Variants in SYTL3 observed in about 807,000 individuals in gnomAD.
SYTL3 encodes the protein synaptotagmin like 3, also known as synaptotagmin-like protein 3.
A neutral mutation model predicts 82.1 loss-of-function variants in SYTL3; 88 were observed. The ratio of observed to expected loss-of-function variants is 1.07; its 90% CI spans 0.90 to 1.28. SYTL3 has a LOEUF of 1.28. Among genes scored for constraint, SYTL3 ranks in the 50% most tolerant of loss-of-function variants. The pLI is 0.00. For missense variants in SYTL3, 831 were observed against 757.6 expected (o/e 1.10, Z -1.14); for synonymous variants, 311 against 289.4 (o/e 1.07, Z -0.76).
At chr6:158,698,954 C>A (rs749235845) in intron 6 of SYTL3, among the ~76,000 whole-genome samples, 1 of 152,296 alleles carries the variant, frequency 6.6e-6, no homozygotes, top group Non-Finnish European at 1.5e-5. Context: ...TCCCACTCCA[C>A]AGGCACCAGC....
intron 11 of SYTL3, among the ~76,000 whole-genome samples, chr6:158,733,907 C>T (rs1337693812): frequency 2.0e-5 from 3 of 151,156 alleles, no homozygotes; most frequent in Non-Finnish European, 2.9e-5. Context: ...ACCATCCTGG[C>T]TAACACGGTG....
At chr6:158,677,116 T>A (rs1321948412) in intron 5 of SYTL3, among the ~76,000 whole-genome samples, 1 of 152,184 alleles carries the variant, frequency 6.6e-6, no homozygotes, top group Non-Finnish European at 1.5e-5. Flanking sequence ...CATATGTTTA[T>A]CATGGCCCTA....
rs747148159 is a variant in SYTL3 at position 158,725,569 on chromosome 6, A to G, written c.787A>G (p.Ile263Val). The change falls in exon 11 of 18, where the codon ATT becomes GTT. Residue 263 changes from isoleucine (I) to valine (V), a missense_variant. By Grantham distance (29) the Ile-to-Val change is conservative. Transcript: ENST00000611299. The stretch of plus-strand genomic sequence containing the variant: ...GGATCCCAAATGCTCTACTAACCCT[A>G]TTTTGAAGCAACAGAATCTCCCATC... Reference protein sequence around the residue: ...QEDPKCSTNPILKQQNLPSSP... With the variant: ...QEDPKCSTNPVLKQQNLPSSP... 2.2e-5 allele frequency: 36 copies of G among 1,614,076 alleles called. No homozygotes were observed. In the South Asian group the frequency reaches 3.0e-4, roughly 13 times the overall value.
intron 13 of SYTL3, among the ~76,000 whole-genome samples, chr6:158,754,071 C>G (rs1243856550): frequency 6.6e-6 from 1 of 152,134 alleles, no homozygotes; most frequent in African/African-American, 2.4e-5. Flanking sequence ...GTGCAGCACC[C>G]AGGCTTTGTG....
chr6:158,699,638 T>A (rs921931658), intron 6 of SYTL3, among the ~76,000 whole-genome samples: 4 of 152,186 alleles, frequency 2.6e-5, no homozygotes, highest in South Asian at 2.1e-4. Flanking sequence ...TTATTCTTTT[T>A]TTATTATTAT....
intron 6 of SYTL3, among the ~76,000 whole-genome samples, chr6:158,703,526 T>A (rs1781571291): frequency 6.6e-6 from 1 of 152,110 alleles, no homozygotes; most frequent in South Asian, 2.1e-4. Context: ...AAGAAACAAC[T>A]GAGGAATCAA....
At chr6:158,747,520 A>G (rs1316989727) in intron 12 of SYTL3, among the ~76,000 whole-genome samples, 5 of 151,874 alleles carry the variant, frequency 3.3e-5, no homozygotes, top group Non-Finnish European at 5.9e-5. Flanking sequence ...GTGGAGTGCA[A>G]TGGCACGATC....
At chr6:158,757,529 A>AG in intron 14 of SYTL3, 148 bp downstream of exon 14, 1 of 854,592 alleles carries the variant, frequency 1.2e-6, no homozygotes. Context: ...ACTTTGAAAT[A>AG]GTTACTTTCT....
In SYTL3 at chr6:158,707,704, G is replaced by A. The variant is rs73593026; in HGVS notation, c.446+423G>A. 9.5e-3 allele frequency among the ~76,000 whole-genome samples: 1,440 copies of A among 152,290 alleles called. 21 individuals carry two copies. Among genetic ancestry groups the A allele is most frequent in the African/African-American group, 0.032 (1,337 of 41,556 alleles). ...GATAGAATTGAATAATGGCCTGAGA[G>A]ATGTGAACTTCTTTGCACAAAATTC... On this transcript the variant is annotated intron_variant, in intron 7 of 17. Coordinates refer to ENST00000611299, the MANE Select transcript of SYTL3 (RefSeq NM_001242394.2).
At chr6:158,675,923 C>T (rs1467667789) in intron 5 of SYTL3, among the ~76,000 whole-genome samples, 1 of 152,186 alleles carries the variant, frequency 6.6e-6, no homozygotes. Context: ...GCACCCCAGC[C>T]TGGGCGACAG....
At chr6:158,693,855 C>CTTTTCTTTTCTTTTCTTTTTTTTTTTT (rs71030191) in intron 6 of SYTL3, among the ~76,000 whole-genome samples, 19 of 96,858 alleles carry the variant, frequency 2.0e-4, no homozygotes, top group Non-Finnish European at 3.0e-4. Context: ...TTTTTCTTTT[C>CTTTTCTTTTCTTTTCTTTTTTTTTTTT]TTTTTTTTTT....
At chr6:158,654,834 C>A (rs754460735) in intron 2 of SYTL3, among the ~76,000 whole-genome samples, 13 of 152,146 alleles carry the variant, frequency 8.5e-5, no homozygotes, top group Non-Finnish European at 1.2e-4. Context: ...GGCTTCTCCA[C>A]ATGGCTGTAG....
chr6:158,659,016 TAA>T (rs754934027), intron 2 of SYTL3, among the ~76,000 whole-genome samples: 1 of 152,220 alleles, frequency 6.6e-6, no homozygotes, highest in Non-Finnish European at 1.5e-5. Context: ...ATTGTTGTTC[TAA>T]GTGCTAACCA....
At chr6:158,688,039 A>G (rs374742588) in intron 6 of SYTL3, among the ~76,000 whole-genome samples, 92 of 152,316 alleles carry the variant, frequency 6.0e-4, no homozygotes, top group African/African-American at 2.1e-3. Flanking sequence ...ATCAGACTCT[A>G]TGTGGTTTTA....
intron 8 of SYTL3, among the ~76,000 whole-genome samples, chr6:158,712,244 G>T (rs551207766): frequency 6.6e-6 from 1 of 152,188 alleles, no homozygotes; most frequent in East Asian, 1.9e-4. Context: ...TGTTCTCCTT[G>T]GGCCCCTGGT....
intron 5 of SYTL3, among the ~76,000 whole-genome samples, chr6:158,670,329 T>G (rs897790072): frequency 8.5e-5 from 13 of 152,244 alleles, no homozygotes; most frequent in Admixed American, 6.5e-5. Context: ...CTAACTCTGC[T>G]AACTCTGTAA....
intron 12 of SYTL3, among the ~76,000 whole-genome samples, chr6:158,746,536 G>T (rs560430893): frequency 2.0e-5 from 3 of 150,698 alleles, no homozygotes; most frequent in Non-Finnish European, 4.4e-5. Flanking sequence ...CGCAATCTCG[G>T]CTCACTGCAA....
Position 158,764,232 on chromosome 6 carries a change from A to C in SYTL3, c.1724-263A>C, listed in dbSNP as rs141050092. On this transcript the variant is annotated intron_variant, in intron 17 of 17. Transcript: ENST00000611299. ...CCTTGGTGAAGACCCAGCCCACCAAACCAGAGTCCTCGCCTCACTTTCAAA... is the reference window on the plus strand; with the variant it reads ...CCTTGGTGAAGACCCAGCCCACCAACCCAGAGTCCTCGCCTCACTTTCAAA... Among the ~76,000 whole-genome samples the C allele has an allele frequency of 3.0e-3, 458 of 152,306 alleles. 4 individuals carry two copies. Among genetic ancestry groups the C allele is most frequent in the African/African-American group, 0.011 (437 of 41,576 alleles).
At chr6:158,753,247 A>T (rs969820576) in intron 13 of SYTL3, among the ~76,000 whole-genome samples, 8 of 151,614 alleles carry the variant, frequency 5.3e-5, no homozygotes. Context: ...ATGGCCAGCA[A>T]ATTTTTTGTG....
Sources: gnomAD v4.1 joint callset for allele counts (sites outside exome capture counted in the v4.1 genomes callset) on GRCh38, gnomAD v4.1.1 for gene constraint, MANE v1.5 for transcripts, NCBI Gene and HGNC (gene_info 2026-07-23, HGNC 2026-07-21) for gene names.